Variants in EVA1C observed in about 807,000 individuals in gnomAD.
EVA1C encodes the protein protein eva-1 homolog C.
EVA1C carries 25 observed loss-of-function variants against 45.4 expected under a neutral mutation model. The observed-to-expected ratio is 0.55, with a 90% CI of 0.40 to 0.77. EVA1C has a LOEUF of 0.77. EVA1C is among the 30% of genes least tolerant of loss of function. EVA1C has a pLI of 0.00. For missense variants in EVA1C, 479 were observed against 554.8 expected, an observed-to-expected ratio of 0.86 and a Z score of 1.37; for synonymous variants, 190 against 221.2, an observed-to-expected ratio of 0.86 and a Z score of 1.25.
chr21:32,451,934 A>G (rs2035593408), intron 1 of EVA1C, among the ~76,000 whole-genome samples: 1 of 152,214 alleles, frequency 6.6e-6, no homozygotes, highest in South Asian at 2.1e-4. Context: ...TTGAGGGGAC[A>G]TCATTCAACC....
rs1300426626 is a variant in EVA1C at position 32,467,856 on chromosome 21, C to T, written c.634+8C>T. On this transcript the variant is annotated splice_region_variant and intron_variant, in intron 4 of 7. Transcript: ENST00000300255. The stretch of plus-strand genomic sequence containing the variant: ...AGCGGCTCCCCCCTTTCGGTATGTG[C>T]TTTTGTGTGTGTATTAGCCAGGGTT... The T allele has an allele frequency of 6.3e-7, 1 of 1,597,692 alleles. No homozygotes were observed. Among genetic ancestry groups the T allele is most frequent in the Non-Finnish European group, 8.5e-7 (1 of 1,174,038 alleles).
At position 32,491,681 on chromosome 21, in the gene EVA1C, C is replaced by CAA. The variant is rs34286023; in HGVS notation, c.635-3322_635-3321dup. ...ACTGGGTGACAGAGCGAGACTCTGT[C>CAA]AAAAAAAAAAAAAAAAAAAAAAAAA... On this transcript the variant is annotated intron_variant, in intron 4 of 7. Transcript: ENST00000300255. 3.4e-3 allele frequency among the ~76,000 whole-genome samples: 193 copies of CAA among 57,608 alleles called. 7 individuals carry two copies. Among genetic ancestry groups the CAA allele is most frequent in the African/African-American group, 5.7e-3 (88 of 15,574 alleles). 37.8% of individuals were successfully genotyped at this position (57,608 alleles called of 152,430 possible).
intron 4 of EVA1C, among the ~76,000 whole-genome samples, chr21:32,494,202 C>T (rs773757516): frequency 3.9e-5 from 6 of 152,062 alleles, no homozygotes; most frequent in Non-Finnish European, 8.8e-5. Flanking sequence ...GCCAGGGCAC[C>T]GAAAAACAAA....
intron 1 of EVA1C, among the ~76,000 whole-genome samples, chr21:32,441,812 T>C (rs1275835742): frequency 6.6e-6 from 1 of 152,178 alleles, no homozygotes; most frequent in Non-Finnish European, 1.5e-5. Context: ...TGGGTGACTA[T>C]TAGAAACCAA....
rs931650037 is a variant in EVA1C at position 32,496,179 on chromosome 21, G to A, written c.778+1009G>A. On this transcript the variant is annotated intron_variant, in intron 5 of 7. Coordinates refer to ENST00000300255, the MANE Select transcript of EVA1C (RefSeq NM_058187.5). ...ATTCATTACACCTGCCCCATCCCCAGGCAACCACCCATCTACTTTCTGTCT... is the reference window on the plus strand; with the variant it reads ...ATTCATTACACCTGCCCCATCCCCAAGCAACCACCCATCTACTTTCTGTCT... Among the ~76,000 whole-genome samples the A allele has an allele frequency of 3.3e-5, 5 of 152,080 alleles. No individual in the cohort carries two copies. The East Asian group carries it at 5.8e-4, about 18-fold the overall frequency.
At chr21:32,506,349 T>C (rs1347507562) in intron 7 of EVA1C, among the ~76,000 whole-genome samples, 3 of 150,698 alleles carry the variant, frequency 2.0e-5, no homozygotes, top group African/African-American at 7.3e-5. Context: ...TCCTGTGCTT[T>C]ATTGTCATCC....
At chr21:32,425,167 AAAC>A (rs2034440797) in intron 1 of EVA1C, among the ~76,000 whole-genome samples, 6 of 151,420 alleles carry the variant, frequency 4.0e-5, no homozygotes, top group Non-Finnish European at 8.8e-5. Context: ...ACAAACAAAC[AAAC>A]AACAACAACA....
At chr21:32,446,255 C>T (rs1236434877) in intron 1 of EVA1C, among the ~76,000 whole-genome samples, 1 of 151,936 alleles carries the variant, frequency 6.6e-6, no homozygotes, top group Non-Finnish European at 1.5e-5. Flanking sequence ...AGTCCACATC[C>T]TCTCATTTCC....
At chr21:32,479,348 G>A (rs1410543338) in intron 4 of EVA1C, among the ~76,000 whole-genome samples, 4 of 152,146 alleles carry the variant, frequency 2.6e-5, no homozygotes, top group Non-Finnish European at 4.4e-5. Flanking sequence ...ACTTGAACCT[G>A]GGAGGCGGAG....
At chr21:32,425,325 A>C (rs1166172099) in intron 1 of EVA1C, among the ~76,000 whole-genome samples, 1 of 110,626 alleles carries the variant, frequency 9.0e-6, no homozygotes, top group African/African-American at 4.2e-5. Context: ...ACAGAGTAAG[A>C]CTCCATCTCA....
rs533086945 is a variant in EVA1C at position 32,473,757 on chromosome 21, A to G, written c.634+5909A>G. ...CTGTCATCCAGGCTGGAATGCAGTG[A>G]TGCACCAAGTGCAGCCTTCATGTAT... On this transcript the variant is annotated intron_variant, in intron 4 of 7. Transcript: ENST00000300255. 5.9e-5 allele frequency among the ~76,000 whole-genome samples: 9 copies of G among 152,300 alleles called. No homozygotes were observed. In the South Asian group the frequency reaches 1.5e-3, roughly 25 times the overall value.
chr21:32,486,658 G>A (rs532885597), intron 4 of EVA1C, among the ~76,000 whole-genome samples: 1 of 152,112 alleles, frequency 6.6e-6, no homozygotes, highest in African/African-American at 2.4e-5. Flanking sequence ...GGCCTTAATA[G>A]TCCATTTTTA....
At chr21:32,497,156 C>T (rs1016184685) in intron 5 of EVA1C, 4 of 798,046 alleles carry the variant, frequency 5.0e-6, no homozygotes, top group Non-Finnish European at 9.1e-6. Flanking sequence ...AGTGGGAAAA[C>T]TCTATCCACT....
chr21:32,503,447 G>A (rs1261955694), intron 6 of EVA1C, among the ~76,000 whole-genome samples: 2 of 152,170 alleles, frequency 1.3e-5, no homozygotes, highest in African/African-American at 4.8e-5. Context: ...TCAGGAGGCT[G>A]AGGCAGGAGA....
intron 7 of EVA1C, among the ~76,000 whole-genome samples, chr21:32,513,601 G>T (rs764930618): frequency 8.5e-6 from 1 of 117,820 alleles, no homozygotes; most frequent in East Asian, 2.5e-4. Context: ...TACCTAGGTT[G>T]GAGTATGGTG....
At chr21:32,501,802 G>C (rs538601880) in intron 6 of EVA1C, among the ~76,000 whole-genome samples, 2 of 152,174 alleles carry the variant, frequency 1.3e-5, no homozygotes, top group Admixed American at 6.5e-5. Flanking sequence ...GGGCTTCCTG[G>C]GTTACACAAT....
chr21:32,480,901 C>T (rs560914500), intron 4 of EVA1C, among the ~76,000 whole-genome samples: 2 of 150,600 alleles, frequency 1.3e-5, no homozygotes, highest in South Asian at 4.2e-4. Context: ...AGGCAGAGGT[C>T]GCAGTGTGCT....
intron 1 of EVA1C, among the ~76,000 whole-genome samples, chr21:32,426,451 G>C (rs1241258351): frequency 1.3e-5 from 2 of 151,294 alleles, no homozygotes; most frequent in Non-Finnish European, 2.9e-5. Flanking sequence ...ATCTCCCACT[G>C]CCTCCCCGAC....
At chr21:32,415,725 A>G (rs1324069579) in intron 1 of EVA1C, among the ~76,000 whole-genome samples, 4 of 151,990 alleles carry the variant, frequency 2.6e-5, no homozygotes, top group Non-Finnish European at 4.4e-5. Context: ...GGCTCCCCAA[A>G]CACCGCCTTC....
Sources: allele counts gnomAD v4.1 joint callset (sites outside exome capture counted in the v4.1 genomes callset), GRCh38; gene constraint gnomAD v4.1.1; transcripts MANE v1.5; gene names NCBI Gene and HGNC (gene_info 2026-07-23, HGNC 2026-07-21).